Variants in ITGA9 observed in about 807,000 individuals in gnomAD.
The protein encoded by ITGA9 is integrin alpha-9.
A neutral mutation model predicts 127.8 loss-of-function variants in ITGA9; 56 were observed. The observed-to-expected ratio is 0.44, with a 90% CI of 0.35 to 0.55. ITGA9 has a LOEUF of 0.55. Among genes scored for constraint, ITGA9 ranks in the 20% least tolerant of loss-of-function variants. The pLI is 0.00. For synonymous variants in ITGA9, 508 were observed against 514.5 expected, an observed-to-expected ratio of 0.99 and a Z score of 0.17; for missense variants, 1,196 against 1,347.1, an observed-to-expected ratio of 0.89 and a Z score of 1.76.
intron 11 of ITGA9, among the ~76,000 whole-genome samples, chr3:37,521,521 T>A (rs773301434): frequency 3.9e-5 from 6 of 152,210 alleles, no homozygotes; most frequent in Non-Finnish European, 8.8e-5. Flanking sequence ...GGACACTGCA[T>A]AGAAACCTGG....
chr3:37,620,936 G>A (rs146908411), intron 15 of ITGA9, among the ~76,000 whole-genome samples: 1 of 152,238 alleles, frequency 6.6e-6, no homozygotes, highest in East Asian at 1.9e-4. Flanking sequence ...ATGATGCCAG[G>A]CATAAGGCAC....
At chr3:37,752,649 G>A (rs1053889578) in intron 23 of ITGA9, among the ~76,000 whole-genome samples, 1 of 152,200 alleles carries the variant, frequency 6.6e-6, no homozygotes, top group Non-Finnish European at 1.5e-5. Flanking sequence ...TGGGCCCTGG[G>A]CTGTCACCCT....
At position 37,628,816 on chromosome 3, in the gene ITGA9, C is replaced by T. The variant is rs572264008; in HGVS notation, c.1690-371C>T. On this transcript the variant is annotated intron_variant, in intron 15 of 27. Transcript: ENST00000264741. ...CTCAATGCAAAAGAGATGTGGTCAT[C>T]GAAACACTGAATGCAAAGGGTTAGC... Among the ~76,000 whole-genome samples, 5 of 152,298 alleles carry T rather than the reference C, an allele frequency of 3.3e-5. No individual in the cohort carries two copies. In the South Asian group the frequency reaches 6.2e-4, roughly 19 times the overall value.
At chr3:37,653,040 T>A (rs1330195525) in intron 16 of ITGA9, among the ~76,000 whole-genome samples, 2 of 152,202 alleles carry the variant, frequency 1.3e-5, no homozygotes, top group Non-Finnish European at 2.9e-5. Context: ...GGTTTTGACA[T>A]GCCAAGACTT....
chr3:37,470,140 G>GTTTTTT (rs71288094), intron 1 of ITGA9, among the ~76,000 whole-genome samples: 1 of 133,098 alleles, frequency 7.5e-6, no homozygotes, highest in Non-Finnish European at 1.6e-5. Flanking sequence ...GTTTCTTCTT[G>GTTTTTT]TTTTTTTTTT....
chr3:37,682,369 C>G (rs575918512), intron 17 of ITGA9, among the ~76,000 whole-genome samples: 6 of 152,234 alleles, frequency 3.9e-5, no homozygotes, highest in African/African-American at 1.2e-4. Flanking sequence ...TCTGGCCTGT[C>G]TGCCATATTG....
At chr3:37,626,154 T>C (rs1312191781) in intron 15 of ITGA9, among the ~76,000 whole-genome samples, 1 of 152,250 alleles carries the variant, frequency 6.6e-6, no homozygotes, top group Non-Finnish European at 1.5e-5. Flanking sequence ...CATTCATCCT[T>C]GTGTGTGAAA....
chr3:37,797,743 T>C (rs1697190901), intron 26 of ITGA9, among the ~76,000 whole-genome samples: 1 of 152,192 alleles, frequency 6.6e-6, no homozygotes, highest in East Asian at 1.9e-4. Context: ...TTTTATTTTA[T>C]TTTTTTGAGA....
At chr3:37,486,164 A>G (rs73055214) in intron 4 of ITGA9, among the ~76,000 whole-genome samples, 17,132 of 152,276 alleles carry the variant, frequency 0.11, 1,086 homozygotes, top group Middle Eastern at 0.17. Flanking sequence ...GAGACTGCAA[A>G]CAAGTTGTCT....
In ITGA9 at chr3:37,653,698, C is replaced by T; in HGVS notation, c.1840-16C>T. ...CTCAATCCTGCCCTAACCTTCCTCTCCTGTCTTTCTCACAGACTGTTTTTG... is the reference window on the plus strand; with the variant it reads ...CTCAATCCTGCCCTAACCTTCCTCTTCTGTCTTTCTCACAGACTGTTTTTG... On this transcript the variant is annotated splice_polypyrimidine_tract_variant and intron_variant, in intron 16 of 27. Coordinates refer to ENST00000264741, the MANE Select transcript of ITGA9 (RefSeq NM_002207.3). 10 of 1,602,734 alleles carry T rather than the reference C, an allele frequency of 6.2e-6. No homozygotes were observed. The highest frequency in any genetic ancestry group is 7.7e-6 in the Non-Finnish European group (9 of 1,169,710).
At chr3:37,793,885 C>T (rs1186770811) in intron 26 of ITGA9, among the ~76,000 whole-genome samples, 1 of 152,164 alleles carries the variant, frequency 6.6e-6, no homozygotes, top group Admixed American at 6.5e-5. Flanking sequence ...AGCCACTTTA[C>T]CCTCTAAAAG....
chr3:37,650,244 A>G (rs1700416953), intron 16 of ITGA9, among the ~76,000 whole-genome samples: 2 of 152,168 alleles, frequency 1.3e-5, no homozygotes, highest in African/African-American at 4.8e-5. Context: ...ACTGTAGCCA[A>G]AAGTCCACCC....
chr3:37,810,084 T>C (rs1697348373), intron 27 of ITGA9, among the ~76,000 whole-genome samples: 2 of 152,230 alleles, frequency 1.3e-5, no homozygotes, highest in South Asian at 2.1e-4. Context: ...TGAAGTCCTC[T>C]TCCCTTTACA....
At chr3:37,706,224 T>C (rs1163381652) in intron 18 of ITGA9, among the ~76,000 whole-genome samples, 1 of 152,208 alleles carries the variant, frequency 6.6e-6, no homozygotes, top group Non-Finnish European at 1.5e-5. Flanking sequence ...TTCCTTGCTG[T>C]CTCTTCAAGC....
chr3:37,682,570 T>C (rs1700743864), intron 17 of ITGA9, among the ~76,000 whole-genome samples: 2 of 152,172 alleles, frequency 1.3e-5, no homozygotes, highest in South Asian at 4.1e-4. Context: ...TTCTAGTCTG[T>C]CCCAAATGTA....
intron 15 of ITGA9, among the ~76,000 whole-genome samples, chr3:37,626,700 A>G (rs1700179244): frequency 6.6e-6 from 1 of 152,172 alleles, no homozygotes; most frequent in Admixed American, 6.5e-5. Flanking sequence ...GGTGGGGGTC[A>G]ATAATCTGCC....
intron 18 of ITGA9, among the ~76,000 whole-genome samples, chr3:37,691,146 A>G (rs1700828332): frequency 6.6e-6 from 1 of 152,206 alleles, no homozygotes; most frequent in African/African-American, 2.4e-5. Flanking sequence ...AGCCCCTGGC[A>G]GCTGGAAGTG....
intron 18 of ITGA9, among the ~76,000 whole-genome samples, chr3:37,706,447 C>T (rs560978881): frequency 6.6e-5 from 10 of 152,226 alleles, no homozygotes; most frequent in Admixed American, 5.9e-4. Context: ...ATTTGAGTAG[C>T]GCCCCAGAAA....
chr3:37,507,020 G>A (rs1698852161), intron 7 of ITGA9, among the ~76,000 whole-genome samples: 8 of 152,188 alleles, frequency 5.3e-5, no homozygotes, highest in Admixed American at 5.2e-4. Flanking sequence ...GACTAGGCTT[G>A]ACTAAGGATA....
Sources: allele counts gnomAD v4.1 joint callset (sites outside exome capture counted in the v4.1 genomes callset), GRCh38; gene constraint gnomAD v4.1.1; transcripts MANE v1.5; gene names NCBI Gene and HGNC (gene_info 2026-07-23, HGNC 2026-07-21).